ASTN1: variants seen among roughly 807,000 people sequenced by gnomAD.
ASTN1 encodes astrotactin-1.
Under a neutral mutation model 140.7 loss-of-function variants are expected in ASTN1, and 41 were observed. The ratio of observed to expected loss-of-function variants is 0.29; its 90% CI spans 0.23 to 0.38. The LOEUF (loss-of-function observed/expected upper bound fraction) is 0.38, where lower values mean the gene tolerates loss of function less well. ASTN1 is among the 10% of genes least tolerant of loss of function. ASTN1 has a pLI of 1.00. For missense variants in ASTN1, 1,479 were observed against 1,678.8 expected (o/e 0.88, Z 2.08); for synonymous variants, 640 against 652.2 (o/e 0.98, Z 0.29).
chr1:176,979,277 G>A (rs574101360), intron 8 of ASTN1, among the ~76,000 whole-genome samples: 10 of 152,228 alleles, frequency 6.6e-5, no homozygotes, highest in Admixed American at 2.6e-4. Flanking sequence ...TTATGATGAT[G>A]TAGCAATGGT....
At chr1:176,890,788 G>A (rs35954801) in intron 17 of ASTN1, among the ~76,000 whole-genome samples, 8,141 of 152,182 alleles carry the variant, frequency 0.053, 277 homozygotes, top group African/African-American at 0.096. Context: ...CACTTTGAGC[G>A]GCCGAGGCAG....
At chr1:177,147,953 C>T (rs1682790558) in intron 1 of ASTN1, among the ~76,000 whole-genome samples, 1 of 152,176 alleles carries the variant, frequency 6.6e-6, no homozygotes. Context: ...TTGCAGCTAT[C>T]TTACTACCAG....
chr1:176,860,183 G>A (rs1667923685), downstream of ASTN1, among the ~76,000 whole-genome samples: 1 of 152,180 alleles, frequency 6.6e-6, no homozygotes, highest in Non-Finnish European at 1.5e-5. Flanking sequence ...AAGTCACATA[G>A]TGTCACTTCC....
At chr1:176,963,716 C>G (rs1035909766) in intron 9 of ASTN1, among the ~76,000 whole-genome samples, 25 of 152,244 alleles carry the variant, frequency 1.6e-4, no homozygotes, top group Admixed American at 4.6e-4. Context: ...GAATGGGGAA[C>G]TTATCCATGT....
downstream of ASTN1, chr1:176,857,590 C>T (rs753288518): frequency 1.4e-4 from 86 of 594,772 alleles, 1 homozygote; most frequent in Middle Eastern, 1.3e-3. Context: ...CCCTGGCTGC[C>T]GTCTTCTTCC....
At chr1:176,879,925 C>G (rs376871691) in intron 20 of ASTN1, among the ~76,000 whole-genome samples, 1 of 152,138 alleles carries the variant, frequency 6.6e-6, no homozygotes, top group Non-Finnish European at 1.5e-5. Flanking sequence ...CGGGGGAGCA[C>G]TTTACACATT....
intron 2 of ASTN1, among the ~76,000 whole-genome samples, chr1:177,047,959 G>A (rs1469489799): frequency 6.6e-6 from 1 of 152,184 alleles, no homozygotes; most frequent in African/African-American, 2.4e-5. Flanking sequence ...CGATCAGCTA[G>A]GTAAGGCAGC....
chr1:176,952,077 T>C (rs567680308), intron 11 of ASTN1, among the ~76,000 whole-genome samples: 1 of 152,274 alleles, frequency 6.6e-6, no homozygotes, highest in South Asian at 2.1e-4. Flanking sequence ...GCTGCTTCTC[T>C]AGTATGATAA....
intron 5 of ASTN1, among the ~76,000 whole-genome samples, chr1:177,026,290 A>T (rs952796404): frequency 6.6e-5 from 10 of 152,240 alleles, no homozygotes; most frequent in African/African-American, 2.4e-4. Context: ...AGCCCAGCCC[A>T]GGCCTCAGAT....
rs1668242472 is a variant in ASTN1, at chr1:176,869,169, C to T, written c.3464-142G>A. On this transcript the variant is annotated intron_variant, in intron 21 of 22. Transcript: ENST00000361833. ...TCATTTATAATGTATATATAATATGCATATATATCATATAGTATATACATA... is the reference window on the plus strand; with the variant it reads ...TCATTTATAATGTATATATAATATGTATATATATCATATAGTATATACATA... 6.3e-6 allele frequency: 3 copies of T among 477,742 alleles called. 1 individual carries two copies. Among genetic ancestry groups the T allele is most frequent in the South Asian group, 1.5e-4 (2 of 13,528 alleles). The allele number at this position is 477,742 out of a possible 1,614,324, so 29.6% of individuals were successfully genotyped here.
intron 1 of ASTN1, among the ~76,000 whole-genome samples, chr1:177,121,384 T>C (rs1681377522): frequency 6.6e-6 from 1 of 152,082 alleles, no homozygotes; most frequent in African/African-American, 2.4e-5. Context: ...GAAAAGGGCA[T>C]TTCATGGGAG....
At position 177,030,999 on chromosome 1, in the gene ASTN1, A is replaced by G. The variant is rs771084087; in HGVS notation, c.866-47T>C. On this transcript the variant is annotated intron_variant, in intron 3 of 22. Transcript: ENST00000361833. Reference sequence around the variant, plus strand: ...CAAAAACTTTAAGAGAAAAGACCAAAAGAAAGGGAGAAGAAGGAAATCTGC... The same window carrying G: ...CAAAAACTTTAAGAGAAAAGACCAAGAGAAAGGGAGAAGAAGGAAATCTGC... 5.7e-6 allele frequency: 9 copies of G among 1,575,286 alleles called. No homozygotes were observed. The Admixed American group carries it at 8.7e-5, about 15-fold the overall frequency.
At chr1:177,045,814 GA>G (rs1183164785) in intron 2 of ASTN1, among the ~76,000 whole-genome samples, 1 of 152,134 alleles carries the variant, frequency 6.6e-6, no homozygotes, top group African/African-American at 2.4e-5. Flanking sequence ...AGGTCTGCAG[GA>G]ATAGAGTATC....
At chr1:177,122,052 T>C in intron 1 of ASTN1, among the ~76,000 whole-genome samples, 1 of 152,192 alleles carries the variant, frequency 6.6e-6, no homozygotes, top group Non-Finnish European at 1.5e-5. Context: ...GTGCTGCCAC[T>C]ACCCTGGAGC....
chr1:177,100,231 T>C (rs1278693916), intron 1 of ASTN1, among the ~76,000 whole-genome samples: 2 of 152,074 alleles, frequency 1.3e-5, no homozygotes, highest in African/African-American at 4.8e-5. Context: ...ATGTGGTGAG[T>C]TATAATAGTT....
At chr1:176,982,253 A>T (rs902634291) in intron 8 of ASTN1, among the ~76,000 whole-genome samples, 1 of 152,196 alleles carries the variant, frequency 6.6e-6, no homozygotes, top group Non-Finnish European at 1.5e-5. Context: ...AGAGAATCAG[A>T]TTCCAAAGCC....
intron 1 of ASTN1, among the ~76,000 whole-genome samples, chr1:177,124,345 C>T (rs1275271593): frequency 6.6e-6 from 1 of 152,178 alleles, no homozygotes; most frequent in Admixed American, 6.5e-5. Context: ...AGTTCAGTAG[C>T]GCATTTGAGG....
Position 177,032,497 on chromosome 1 carries a change from A to G in ASTN1, c.824T>C (p.Leu275Pro). The G allele has an allele frequency of 6.2e-7, 1 of 1,614,068 alleles. No homozygotes were observed. The highest frequency in any genetic ancestry group is 8.5e-7 in the Non-Finnish European group (1 of 1,179,988). The part of the protein sequence containing the change: ...ASQVTRTLDS[L>P]QGCNEKSGMD... ...CCCCGACTTTTCATTGCAGCCCTGC[A>G]GGGAGTCGAGGGTGCGCGTGACCTG... Residue 275 changes from leucine to proline, a missense_variant, in exon 3 of 23, where the codon CTG (leucine) becomes CCG (proline). Transcript: ENST00000361833.
intron 1 of ASTN1, among the ~76,000 whole-genome samples, chr1:177,148,914 GTTTC>G (rs1682844039): frequency 6.6e-6 from 1 of 150,784 alleles, no homozygotes; most frequent in African/African-American, 2.4e-5. Context: ...GTAAGTAGAA[GTTTC>G]TTTAACTTTT....
Sources: allele counts gnomAD v4.1 joint callset (sites outside exome capture counted in the v4.1 genomes callset), GRCh38; gene constraint gnomAD v4.1.1; transcripts MANE v1.5; gene names NCBI Gene and HGNC (gene_info 2026-07-23, HGNC 2026-07-21).